The following LRRIQ3 variants were observed in gnomAD, a reference collection of about 807,000 sequenced individuals.
LRRIQ3 encodes the protein leucine rich repeats and IQ motif containing 3, also known as leucine-rich repeat and IQ domain-containing protein 3.
LRRIQ3 carries 75 observed loss-of-function variants against 59.3 expected under a neutral mutation model. The ratio of observed to expected loss-of-function variants is 1.26; its 90% CI spans 1.05 to 1.53. The LOEUF is 1.53. Ranked by LOEUF, LRRIQ3 falls within the 40% of genes most tolerant of loss-of-function variation. The pLI, the probability that LRRIQ3 is intolerant of heterozygous loss-of-function variation, is 0.00. For missense variants in LRRIQ3, 831 were observed against 710.0 expected, an observed-to-expected ratio of 1.17 and a Z score of -1.94; for synonymous variants, 250 against 231.3, an observed-to-expected ratio of 1.08 and a Z score of -0.73.
chr1:74,123,487 A>AC (rs1646891603), intron 4 of LRRIQ3, among the ~76,000 whole-genome samples: 1 of 151,662 alleles, frequency 6.6e-6, no homozygotes, highest in Admixed American at 6.6e-5. Context: ...CCATCATTCT[A>AC]TCTCTACTTC....
At chr1:74,165,993 G>C (rs1454399710) in intron 3 of LRRIQ3, among the ~76,000 whole-genome samples, 1 of 151,566 alleles carries the variant, frequency 6.6e-6, no homozygotes, top group African/African-American at 2.4e-5. Context: ...CTATGCTTAT[G>C]CTCTTAAGGA....
intron 4 of LRRIQ3, among the ~76,000 whole-genome samples, chr1:74,121,170 A>T (rs1646849619): frequency 6.6e-6 from 1 of 152,060 alleles, no homozygotes; most frequent in African/African-American, 2.4e-5. Flanking sequence ...GTCTTTGTCA[A>T]TGTTCATTCA....
intron 5 of LRRIQ3, among the ~76,000 whole-genome samples, chr1:74,080,197 C>A (rs1646258345): frequency 6.6e-6 from 1 of 151,476 alleles, no homozygotes; most frequent in African/African-American, 2.4e-5. Flanking sequence ...AATTAAAGAG[C>A]CATCCTTAGG....
chr1:74,168,351 T>C (rs1224313070), intron 3 of LRRIQ3, among the ~76,000 whole-genome samples: 2 of 152,132 alleles, frequency 1.3e-5, no homozygotes, highest in East Asian at 3.9e-4. Flanking sequence ...CCACCTCTGA[T>C]AATTCCCTTT....
chr1:74,125,887 C>A (rs538154638), intron 4 of LRRIQ3, among the ~76,000 whole-genome samples: 21 of 151,796 alleles, frequency 1.4e-4, no homozygotes, highest in African/African-American at 5.1e-4. Context: ...TGGAAGTATT[C>A]CTTACTCCTC....
intron 3 of LRRIQ3, among the ~76,000 whole-genome samples, chr1:74,170,791 T>C (rs1649276996): frequency 6.6e-6 from 1 of 152,118 alleles, no homozygotes; most frequent in African/African-American, 2.4e-5. Flanking sequence ...AATACTAATT[T>C]TTTAGTCCAT....
At chr1:74,184,204 C>T (rs1650206146) in intron 1 of LRRIQ3, among the ~76,000 whole-genome samples, 1 of 152,006 alleles carries the variant, frequency 6.6e-6, no homozygotes, top group Admixed American at 6.5e-5. Context: ...TTGTGTCTTA[C>T]AGAGAAAATT....
intron 6 of LRRIQ3, among the ~76,000 whole-genome samples, chr1:74,058,541 A>T (rs1423897195): frequency 1.3e-5 from 2 of 152,090 alleles, no homozygotes; most frequent in East Asian, 3.8e-4. Flanking sequence ...AGTAAAGAAT[A>T]AAACAGTGGT....
chr1:74,058,724 G>A (rs1175351629), intron 6 of LRRIQ3, among the ~76,000 whole-genome samples: 2 of 152,002 alleles, frequency 1.3e-5, no homozygotes, highest in African/African-American at 4.8e-5. Context: ...GACTTTTAAT[G>A]TATCTAACAC....
chr1:74,111,831 C>A (rs1363667007), intron 4 of LRRIQ3, among the ~76,000 whole-genome samples: 1 of 152,038 alleles, frequency 6.6e-6, no homozygotes, highest in Non-Finnish European at 1.5e-5. Context: ...TAGGATCCCT[C>A]TACTACTGGG....
chr1:74,176,208 T>A (rs1362685477), intron 3 of LRRIQ3, among the ~76,000 whole-genome samples: 1 of 152,168 alleles, frequency 6.6e-6, no homozygotes, highest in East Asian at 1.9e-4. Flanking sequence ...TCCTTCTTCA[T>A]TCCTGAGGAA....
intron 7 of LRRIQ3, among the ~76,000 whole-genome samples, chr1:74,036,304 T>C (rs1460914832): frequency 1.3e-5 from 2 of 152,174 alleles, no homozygotes; most frequent in Admixed American, 6.6e-5. Context: ...GAATATTATA[T>C]AGAAAGGCCA....
At chr1:74,048,673 T>G in intron 6 of LRRIQ3, among the ~76,000 whole-genome samples, 1 of 63,512 alleles carries the variant, frequency 1.6e-5, no homozygotes, top group African/African-American at 3.5e-5. Context: ...GTTCTTAACT[T>G]TTTATGTAAA....
chr1:74,053,177 C>CAAAAAAA (rs11403724), intron 6 of LRRIQ3, among the ~76,000 whole-genome samples: 1 of 100,970 alleles, frequency 9.9e-6, no homozygotes, highest in Non-Finnish European at 1.8e-5. Context: ...CTCCACATGC[C>CAAAAAAA]AAAAAAAAAA....
At chr1:74,127,716 T>C (rs1247012414) in intron 4 of LRRIQ3, among the ~76,000 whole-genome samples, 1 of 151,950 alleles carries the variant, frequency 6.6e-6, no homozygotes, top group Non-Finnish European at 1.5e-5. Flanking sequence ...TGAATAGTTA[T>C]CTTCTAGGTT....
At chr1:74,142,669 C>T (rs1302080580) in intron 4 of LRRIQ3, among the ~76,000 whole-genome samples, 1 of 151,950 alleles carries the variant, frequency 6.6e-6, no homozygotes, top group Non-Finnish European at 1.5e-5. Context: ...GCCACAAATG[C>T]TTGCTTAAAA....
At chr1:74,060,288 C>CTCTTCCTCCTCTTCCTCTTCT (rs1654682800) in intron 6 of LRRIQ3, among the ~76,000 whole-genome samples, 1 of 146,036 alleles carries the variant, frequency 6.8e-6, no homozygotes, top group East Asian at 2.0e-4. Context: ...CCTCCTCCTC[C>CTCTTCCTCCTCTTCCTCTTCT]TCTTCCTCCT....
intron 4 of LRRIQ3, among the ~76,000 whole-genome samples, chr1:74,145,899 A>G (rs897020053): frequency 2.3e-4 from 35 of 152,182 alleles, no homozygotes; most frequent in Non-Finnish European, 4.4e-4. Flanking sequence ...CCAGCAAAGT[A>G]TACAGTTATA....
At chr1:74,087,717 C>A (rs1340116883) in intron 5 of LRRIQ3, among the ~76,000 whole-genome samples, 1 of 151,858 alleles carries the variant, frequency 6.6e-6, no homozygotes, top group Non-Finnish European at 1.5e-5. Context: ...AGTATATGAG[C>A]AAAACTGATT....
Sources: gnomAD v4.1 joint callset for allele counts (sites outside exome capture counted in the v4.1 genomes callset) on GRCh38, gnomAD v4.1.1 for gene constraint, MANE v1.5 for transcripts, NCBI Gene and HGNC (gene_info 2026-07-23, HGNC 2026-07-21) for gene names.